Variants in CCSER1 observed in about 807,000 individuals in gnomAD.
CCSER1 encodes the protein coiled-coil serine rich protein 1.
A neutral mutation model predicts 82.0 loss-of-function variants in CCSER1; 41 were observed. The observed-to-expected ratio is 0.50, with a 90% CI of 0.39 to 0.65. CCSER1 has a LOEUF of 0.65. CCSER1 is among the 30% of genes least tolerant of loss of function. The probability of loss-of-function intolerance (pLI) is 0.00; values close to 1 mark genes in which losing one functional copy is unlikely to be tolerated. For missense variants in CCSER1, 1,119 were observed against 1,064.2 expected (o/e 1.05, Z -0.72); for synonymous variants, 414 against 383.9 (o/e 1.08, Z -0.92).
chr4:90,713,056 C>CT (rs1471683467), intron 6 of CCSER1, among the ~76,000 whole-genome samples: 1 of 151,582 alleles, frequency 6.6e-6, no homozygotes, highest in Admixed American at 6.6e-5. Flanking sequence ...TGAGATGGAT[C>CT]TTTTCAAGAA....
chr4:91,067,916 A>T (rs2148757796), intron 9 of CCSER1, among the ~76,000 whole-genome samples: 1 of 152,324 alleles, frequency 6.6e-6, no homozygotes, highest in East Asian at 1.9e-4. Context: ...GAATCCAAGT[A>T]ATATCATTTA....
chr4:90,889,075 A>G (rs1722580056), intron 8 of CCSER1, among the ~76,000 whole-genome samples: 1 of 152,176 alleles, frequency 6.6e-6, no homozygotes, highest in Admixed American at 6.5e-5. Flanking sequence ...GGAAGAAATC[A>G]AGATATACAA....
chr4:90,493,651 T>C (rs571130720), intron 5 of CCSER1, among the ~76,000 whole-genome samples: 1 of 152,304 alleles, frequency 6.6e-6, no homozygotes, highest in Admixed American at 6.5e-5. Context: ...CAGAATTTCA[T>C]ATCCAGCCAA....
chr4:91,001,140 A>C (rs1202595830), intron 9 of CCSER1, among the ~76,000 whole-genome samples: 1 of 152,082 alleles, frequency 6.6e-6, no homozygotes, highest in East Asian at 1.9e-4. Context: ...TTTTATCAAA[A>C]GCTTTTTCTG....
chr4:91,096,318 G>T (rs754189921), intron 10 of CCSER1, among the ~76,000 whole-genome samples: 17 of 152,272 alleles, frequency 1.1e-4, no homozygotes, highest in South Asian at 4.1e-4. Flanking sequence ...ACTTGGTAAA[G>T]GTGGGGCACT....
At chr4:91,204,588 A>G (rs1736191991) in intron 10 of CCSER1, among the ~76,000 whole-genome samples, 4 of 151,892 alleles carry the variant, frequency 2.6e-5, no homozygotes, top group Admixed American at 2.0e-4. Context: ...ACTATCTTGC[A>G]AGATATAAAT....
At chr4:90,654,947 A>G (rs1479177862) in intron 6 of CCSER1, among the ~76,000 whole-genome samples, 1 of 152,106 alleles carries the variant, frequency 6.6e-6, no homozygotes, top group Non-Finnish European at 1.5e-5. Context: ...TAAAGAAAAC[A>G]GTGCAGTTAT....
At chr4:90,750,041 A>G (rs1050818873) in intron 7 of CCSER1, among the ~76,000 whole-genome samples, 5 of 152,130 alleles carry the variant, frequency 3.3e-5, no homozygotes, top group African/African-American at 9.7e-5. Flanking sequence ...TCTGATGGCC[A>G]GTGATGGTGA....
chr4:91,253,711 A>G (rs1740448555), intron 10 of CCSER1, among the ~76,000 whole-genome samples: 2 of 152,172 alleles, frequency 1.3e-5, no homozygotes, highest in South Asian at 4.1e-4. Context: ...TTTCATTGCT[A>G]TAAAGAAATA....
chr4:91,424,409 C>A (rs1412006071), intron 10 of CCSER1, among the ~76,000 whole-genome samples: 2 of 152,114 alleles, frequency 1.3e-5, no homozygotes, highest in Non-Finnish European at 2.9e-5. Context: ...TCTCATCCTA[C>A]TCAAACCTTC....
intron 10 of CCSER1, among the ~76,000 whole-genome samples, chr4:91,105,826 A>G (rs1185597897): frequency 6.6e-6 from 1 of 152,206 alleles, no homozygotes; most frequent in Non-Finnish European, 1.5e-5. Context: ...AGGGAGGCTC[A>G]AGCTAGTTTG....
chr4:91,310,084 C>T (rs559516108), intron 10 of CCSER1, among the ~76,000 whole-genome samples: 1 of 151,844 alleles, frequency 6.6e-6, no homozygotes, highest in Non-Finnish European at 1.5e-5. Flanking sequence ...CCAAATTTAC[C>T]TTTTTAATAA....
chr4:90,643,061 G>C (rs941738602), intron 6 of CCSER1, among the ~76,000 whole-genome samples: 2 of 151,792 alleles, frequency 1.3e-5, no homozygotes, highest in Non-Finnish European at 2.9e-5. Flanking sequence ...ATGAAGAGTG[G>C]AGTGTTTAAA....
intron 1 of CCSER1, among the ~76,000 whole-genome samples, chr4:90,251,942 AT>A (rs1560880613): frequency 6.6e-6 from 1 of 151,422 alleles, no homozygotes; most frequent in Non-Finnish European, 1.5e-5. Context: ...TCTATGTTTT[AT>A]TTCAGCCGTT....
intron 10 of CCSER1, among the ~76,000 whole-genome samples, chr4:91,189,625 A>G (rs1347530436): frequency 6.6e-6 from 1 of 152,198 alleles, no homozygotes; most frequent in Non-Finnish European, 1.5e-5. Flanking sequence ...CAAATGAAAT[A>G]TCTGAGAACC....
In CCSER1 at chr4:91,506,830, C is replaced by T. The variant is rs938563662; in HGVS notation, c.2218-91742C>T. 3.9e-5 allele frequency among the ~76,000 whole-genome samples: 6 copies of T among 151,992 alleles called. No individual in the cohort carries two copies. In the South Asian group the frequency reaches 8.3e-4, roughly 21 times the overall value. On this transcript the variant is annotated intron_variant, in intron 10 of 10. Transcript: ENST00000509176. ...TAGCAGTCGGTCTCCCAAACCCTGG[C>T]GAATTTACTTTCTGTCTCAATGAAT...
At chr4:91,211,149 G>A (rs1736788135) in intron 10 of CCSER1, among the ~76,000 whole-genome samples, 1 of 151,970 alleles carries the variant, frequency 6.6e-6, no homozygotes, top group Non-Finnish European at 1.5e-5. Context: ...AAGGTACTCG[G>A]AGTGAAGATA....
intron 10 of CCSER1, among the ~76,000 whole-genome samples, chr4:91,570,393 C>G (rs1351612074): frequency 6.6e-6 from 1 of 152,228 alleles, no homozygotes; most frequent in Admixed American, 6.5e-5. Flanking sequence ...CACTTCTGCA[C>G]TGCCCTAGCA....
intron 4 of CCSER1, among the ~76,000 whole-genome samples, chr4:90,464,570 A>G (rs1023046130): frequency 7.2e-5 from 11 of 152,240 alleles, no homozygotes; most frequent in African/African-American, 2.7e-4. Flanking sequence ...ACAGAAGCCT[A>G]AGACGGAATA....
Sources: gnomAD v4.1 joint callset for allele counts (sites outside exome capture counted in the v4.1 genomes callset) on GRCh38, gnomAD v4.1.1 for gene constraint, MANE v1.5 for transcripts, NCBI Gene and HGNC (gene_info 2026-07-23, HGNC 2026-07-21) for gene names.